Variants in MBD5 observed in about 807,000 individuals in gnomAD.
MBD5 encodes the protein methyl-CpG-binding domain protein 5.
A neutral mutation model predicts 117.3 loss-of-function variants in MBD5; 13 were observed. The observed-to-expected ratio is 0.11, with a 90% confidence interval of 0.07 to 0.18. The LOEUF is 0.18. Ranked by LOEUF, MBD5 falls within the 10% of genes least tolerant of loss-of-function variation. The pLI is 1.00. For synonymous variants in MBD5, 727 were observed against 766.4 expected (o/e 0.95, Z 0.85); for missense variants, 1,879 against 2,093.8 (o/e 0.90, Z 2.00).
At chr2:148,235,835 C>T (rs997448690) in intron 3 of MBD5, among the ~76,000 whole-genome samples, 2 of 152,090 alleles carry the variant, frequency 1.3e-5, no homozygotes, top group African/African-American at 4.8e-5. Context: ...CTCTTACTCT[C>T]TCTTCCAGGC....
intron 1 of MBD5, among the ~76,000 whole-genome samples, chr2:148,138,153 C>CTGA (rs149389034): frequency 3.3e-3 from 503 of 152,336 alleles, no homozygotes; most frequent in East Asian, 8.3e-3. Flanking sequence ...GCTATCTTTA[C>CTGA]TGATGGCCTA....
At chr2:148,403,283 G>T (rs1300119285) in intron 4 of MBD5, among the ~76,000 whole-genome samples, 1 of 151,692 alleles carries the variant, frequency 6.6e-6, no homozygotes, top group Non-Finnish European at 1.5e-5. Context: ...AGGTTCAAGC[G>T]ATTCTTGTGC....
At position 148,305,550 on chromosome 2, in the gene MBD5, C is replaced by A. The variant is rs184850355; in HGVS notation, c.-679-36664C>A. Among the ~76,000 whole-genome samples, 172 of 152,316 alleles carry A rather than the reference C, an allele frequency of 1.1e-3. 3 individuals are homozygous for A. Among genetic ancestry groups the A allele is most frequent in the Admixed American group, 9.5e-3 (145 of 15,292 alleles). On this transcript the variant is annotated intron_variant, in intron 3 of 13. Transcript: ENST00000642680. ...ACTGAGGGTGAGAGAAGCAACCCCA[C>A]ACATTTCCTGGTTTGCAGTTTGAAT...
intron 9 of MBD5, among the ~76,000 whole-genome samples, chr2:148,484,404 C>T (rs1681269085): frequency 1.3e-5 from 2 of 152,068 alleles, no homozygotes; most frequent in South Asian, 4.1e-4. Flanking sequence ...TAAACCTAAC[C>T]TACCCATCAC....
At chr2:148,306,516 A>G (rs1393782212) in intron 3 of MBD5, among the ~76,000 whole-genome samples, 1 of 152,186 alleles carries the variant, frequency 6.6e-6, no homozygotes, top group Non-Finnish European at 1.5e-5. Context: ...AATAGTATCC[A>G]TATTTTGGAG....
At chr2:148,314,270 A>ATT (rs972106714) in intron 3 of MBD5, among the ~76,000 whole-genome samples, 1 of 148,648 alleles carries the variant, frequency 6.7e-6, no homozygotes. Context: ...GCAAAAGGAA[A>ATT]TTTTTTTTTT....
chr2:148,280,131 C>CAAAAAAAAAAAAAAAAAAAACAAA (rs3076398), intron 3 of MBD5, among the ~76,000 whole-genome samples: 1 of 91,886 alleles, frequency 1.1e-5, no homozygotes, highest in Non-Finnish European at 2.2e-5. Flanking sequence ...AAACTAACTG[C>CAAAAAAAAAAAAAAAAAAAACAAA]AAAAAAAAAA....
chr2:148,429,871 G>C (rs1388565605), intron 4 of MBD5, among the ~76,000 whole-genome samples: 1 of 151,894 alleles, frequency 6.6e-6, no homozygotes, highest in Non-Finnish European at 1.5e-5. Context: ...GCGGAGGATA[G>C]CATTAAGAGA....
At chr2:148,447,178 G>GGAAGAAAGAAA (rs1706570693) in intron 4 of MBD5, among the ~76,000 whole-genome samples, 11 of 137,650 alleles carry the variant, frequency 8.0e-5, no homozygotes, top group African/African-American at 3.2e-4. Flanking sequence ...AAAGGAAGAA[G>GGAAGAAAGAAA]GAAAGAAAGA....
At chr2:148,480,023 T>C (rs1386762818) in intron 8 of MBD5, among the ~76,000 whole-genome samples, 4 of 152,098 alleles carry the variant, frequency 2.6e-5, no homozygotes, top group African/African-American at 7.2e-5. Flanking sequence ...AAACTCTTAG[T>C]TCCTTTAGGA....
At chr2:148,071,274 ATATGTGTGTGTGTG>A (rs1240738888) in intron 1 of MBD5, 2,376 of 134,898 alleles carry the variant, frequency 0.018, 40 homozygotes, top group African/African-American at 0.038. Context: ...ATATATCTGT[ATATGTGTGTGTGTG>A]TGTGTGTGTG....
chr2:148,389,358 T>C (rs1444691701), intron 4 of MBD5, among the ~76,000 whole-genome samples: 1 of 143,782 alleles, frequency 7.0e-6, no homozygotes, highest in African/African-American at 2.6e-5. Context: ...CTTGATTCCA[T>C]GACTTTTGCT....
In MBD5 at chr2:148,279,379, A is replaced by G. The variant is rs151336869; in HGVS notation, c.-680+45984A>G. 3.4e-3 allele frequency among the ~76,000 whole-genome samples: 511 copies of G among 152,330 alleles called. 2 individuals carry two copies. The highest frequency in any genetic ancestry group is 5.0e-3 in the Non-Finnish European group (343 of 68,022). On this transcript the variant is annotated intron_variant, in intron 3 of 13. Coordinates refer to ENST00000642680, the MANE Select transcript of MBD5 (RefSeq NM_001378120.1). ...CAGGAGTTCGAGGGTGCAGTGAGCTATGATTGCACAACTGCACTACAGCCT... is the reference window on the plus strand; with the variant it reads ...CAGGAGTTCGAGGGTGCAGTGAGCTGTGATTGCACAACTGCACTACAGCCT...
chr2:148,076,824 T>G (rs956073575), intron 1 of MBD5, among the ~76,000 whole-genome samples: 4 of 152,228 alleles, frequency 2.6e-5, no homozygotes, highest in Non-Finnish European at 5.9e-5. Flanking sequence ...TTGAAGTGAA[T>G]AAAACGCATC....
At chr2:148,355,682 G>A (rs1446262870) in intron 4 of MBD5, among the ~76,000 whole-genome samples, 1 of 152,082 alleles carries the variant, frequency 6.6e-6, no homozygotes, top group African/African-American at 2.4e-5. Flanking sequence ...CATTACTGTA[G>A]CCTTGTAATA....
At position 148,336,241 on chromosome 2, in the gene MBD5, G is replaced by A. The variant is rs1040864362; in HGVS notation, c.-679-5973G>A. Reference sequence around the variant, plus strand: ...GTTTGCCTATATCAAAAAATTGATTGATCTCAGTGTCTTTTCCTGGTACCC... The same window carrying A: ...GTTTGCCTATATCAAAAAATTGATTAATCTCAGTGTCTTTTCCTGGTACCC... On this transcript the variant is annotated intron_variant, in intron 3 of 13. Transcript: ENST00000642680. 5.3e-5 allele frequency among the ~76,000 whole-genome samples: 8 copies of A among 152,256 alleles called. No homozygotes were observed. The East Asian group carries it at 1.3e-3, about 26-fold the overall frequency.
chr2:148,458,631 A>C lies in MBD5; in HGVS notation c.-128A>C, dbSNP rs1309091268. ...GTTCCAAACTGAGCTGAAGCTTCCC[A>C]ATGCGTTTTGTACAGTCTGGGAAAA... On this transcript the variant is annotated 5_prime_UTR_variant, in exon 5 of 14. Transcript: ENST00000642680. The C allele has an allele frequency of 2.2e-5, 17 of 769,148 alleles. No homozygotes were observed. In the East Asian group the frequency reaches 3.9e-4, roughly 18 times the overall value. 47.6% of individuals were successfully genotyped at this position (769,148 alleles called of 1,614,324 possible).
chr2:148,321,307 C>CT (rs1702275931), intron 3 of MBD5, among the ~76,000 whole-genome samples: 2 of 151,670 alleles, frequency 1.3e-5, no homozygotes, highest in Admixed American at 6.6e-5. Flanking sequence ...AGCTGATGAA[C>CT]TAAAAAAAAA....
At chr2:148,455,433 G>A (rs1203016839) in intron 4 of MBD5, among the ~76,000 whole-genome samples, 1 of 152,130 alleles carries the variant, frequency 6.6e-6, no homozygotes, top group Non-Finnish European at 1.5e-5. Context: ...ACAGGCATCA[G>A]AACAAGCACC....
Sources: gnomAD v4.1 joint callset for allele counts (sites outside exome capture counted in the v4.1 genomes callset) on GRCh38, gnomAD v4.1.1 for gene constraint, MANE v1.5 for transcripts, NCBI Gene and HGNC (gene_info 2026-07-23, HGNC 2026-07-21) for gene names.